Variants in ITGB4 observed in about 807,000 individuals in gnomAD.
The protein encoded by ITGB4 is integrin beta-4.
In ITGB4, 159 loss-of-function variants were observed where a neutral mutation model predicts 207.6. The ratio of observed to expected loss-of-function variants is 0.77; its 90% CI spans 0.67 to 0.87. The LOEUF is 0.87. Ranked by LOEUF, ITGB4 falls within the 40% of genes least tolerant of loss-of-function variation. ITGB4 has a pLI of 0.00. For synonymous variants in ITGB4, 1,020 were observed against 1,062.7 expected (o/e 0.96, Z 0.78); for missense variants, 2,278 against 2,546.8 (o/e 0.89, Z 2.27).
intron 31 of ITGB4, 42 bp from the exon 32 acceptor site, chr17:75,752,404 G>T (rs1310030668): frequency 6.2e-7 from 1 of 1,612,838 alleles, no homozygotes; most frequent in Non-Finnish European, 8.5e-7. Flanking sequence ...AGGGGGGCAG[G>T]GGGCAGCAGC....
At chr17:75,735,995 C>T in intron 13 of ITGB4, 56 bp from the exon 14 acceptor site, 1 of 1,560,930 alleles carries the variant, frequency 6.4e-7, no homozygotes, top group Non-Finnish European at 8.8e-7. Context: ...AGGTGGGCAG[C>T]CTGGACTACA....
chr17:75,757,089 A>C lies in ITGB4; in HGVS notation c.5200A>C (p.Ile1734Leu). The change falls in exon 38 of 40, where the codon ATA becomes CTA. Residue 1734 changes from isoleucine (I) to leucine (L), a missense_variant. By Grantham distance (5) the Ile-to-Leu change is conservative. Transcript: ENST00000200181. Reference protein sequence around the residue: ...FGPEREGIITIESQDGGPFPQ... With the variant: ...FGPEREGIITLESQDGGPFPQ... ...GCCAGAGCGCGAGGGCATCATCACCATAGAGTCCCAGGATGGAGGTAGGCA... is the reference window on the plus strand; with the variant it reads ...GCCAGAGCGCGAGGGCATCATCACCCTAGAGTCCCAGGATGGAGGTAGGCA... 1 of 1,612,922 alleles carries C rather than the reference A, an allele frequency of 6.2e-7. No individual in the cohort carries two copies. Among genetic ancestry groups the C allele is most frequent in the Non-Finnish European group, 8.5e-7 (1 of 1,179,936 alleles).
chr17:75,728,184 A>G (rs897004664), intron 5 of ITGB4, among the ~76,000 whole-genome samples, 193 bp from the exon 6 acceptor site: 1 of 152,164 alleles, frequency 6.6e-6, no homozygotes, highest in African/African-American at 2.4e-5. Context: ...CTGTACGCAT[A>G]ACTCCAGACC....
In ITGB4 at chr17:75,750,594, A is replaced by G. The variant is rs543962760; in HGVS notation, c.3475-86A>G. Reference sequence around the variant, plus strand: ...CTCGGGCCTCATCTGTGCAAAGAGGACAGTAAGGGCAGAGGTCAGAGGAGG... The same window carrying G: ...CTCGGGCCTCATCTGTGCAAAGAGGGCAGTAAGGGCAGAGGTCAGAGGAGG... On this transcript the variant is annotated intron_variant, in intron 28 of 39. Coordinates refer to ENST00000200181, the MANE Select transcript of ITGB4 (RefSeq NM_000213.5). This position sits in a 1 kb window ranked among gnomAD's most constrained non-coding sequence, Gnocchi z 5.5. The G allele has an allele frequency of 3.3e-6, 4 of 1,218,118 alleles. No individual in the cohort carries two copies. The East Asian group carries it at 9.9e-5, about 30-fold the overall frequency. The allele number at this position is 1,218,118 out of a possible 1,614,324, so 75.5% of individuals were successfully genotyped here. A position where few individuals can be genotyped will look rare whatever the true frequency, so the allele number is the denominator to read the frequency against.
rs8064949 is a variant in ITGB4 at position 75,736,600 on chromosome 17, C to T, written c.1896C>T (p.Cys632=). 6.3e-5 allele frequency: 101 copies of T among 1,602,754 alleles called. No individual in the cohort carries two copies. The highest frequency in any genetic ancestry group is 1.2e-4 in the Admixed American group (7 of 57,560). The part of the protein sequence containing the change: ...HPGLCEDLRS[C]VQCQAWGTGE... ...GCCTCTGCGAGGACCTACGCTCCTG[C>T]GTGCAGTGCCAGGCGTGGGGCACCG... The change falls in exon 16 of 40, where the codon TGC becomes TGT. Residue 632 remains cysteine (C), a synonymous_variant. Transcript: ENST00000200181.
intron 34 of ITGB4, chr17:75,755,140 G>T: frequency 6.2e-7 from 1 of 1,611,678 alleles, no homozygotes; most frequent in East Asian, 2.2e-5. Context: ...AGATGAAAGG[G>T]TTCCCCCCTT....
In ITGB4 at chr17:75,757,329, G is replaced by A; in HGVS notation, c.5329+19G>A. 6.2e-7 allele frequency: 1 copy of A among 1,612,678 alleles called. No homozygotes were observed. Among genetic ancestry groups the A allele is most frequent in the Non-Finnish European group, 8.5e-7 (1 of 1,179,938 alleles). ...CTAGTGGGTGAGCACTGAGGGCTAG[G>A]GGATCCCGGCTCTCCTGGGACAGGG... On this transcript the variant is annotated intron_variant, in intron 39 of 39. Coordinates refer to ENST00000200181, the MANE Select transcript of ITGB4 (RefSeq NM_000213.5).
At position 75,724,720 on chromosome 17, in the gene ITGB4, C is replaced by G; in HGVS notation, c.17C>G (p.Pro6Arg). 6.2e-7 allele frequency: 1 copy of G among 1,613,840 alleles called. No homozygotes were observed. Among genetic ancestry groups the G allele is most frequent in the Non-Finnish European group, 8.5e-7 (1 of 1,179,992 alleles). Reference protein sequence around the residue: MAGPRPSPWARLLLAA... With the variant: MAGPRRSPWARLLLAA... ...AGGAAGAGGATGGCAGGGCCACGCCCCAGCCCATGGGCCAGGCTGCTCCTG... is the reference window on the plus strand; with the variant it reads ...AGGAAGAGGATGGCAGGGCCACGCCGCAGCCCATGGGCCAGGCTGCTCCTG... The change falls in exon 2 of 40, where the codon CCC (proline) becomes CGC (arginine). Residue 6 changes from proline (P) to arginine (R), a missense_variant. Pro to Arg is a moderately radical substitution (Grantham distance 103). Transcript: ENST00000200181.
intron 2 of ITGB4, 125 bp downstream of exon 2, chr17:75,724,907 C>A (rs990854089): frequency 2.5e-6 from 2 of 808,528 alleles, no homozygotes; most frequent in East Asian, 2.6e-5. Flanking sequence ...CTGACCACTG[C>A]CCACCTTCAG....
chr17:75,748,702 C>A (rs2061291000), intron 26 of ITGB4, 139 bp from the exon 27 acceptor site: 1 of 643,142 alleles, frequency 1.6e-6, no homozygotes, highest in Non-Finnish European at 2.7e-6. Context: ...AACACAAAAA[C>A]CTGAACCTCG....
chr17:75,738,724 C>T (rs1190252740), intron 18 of ITGB4, among the ~76,000 whole-genome samples: 1 of 152,248 alleles, frequency 6.6e-6, no homozygotes, highest in Non-Finnish European at 1.5e-5. Flanking sequence ...TGGCATAGCT[C>T]AGAGTAGGGA....
intron 12 of ITGB4, 97 bp from the exon 13 acceptor site, chr17:75,733,393 A>T (rs1224295431): frequency 3.7e-6 from 4 of 1,073,526 alleles, no homozygotes; most frequent in African/African-American, 1.6e-5. Context: ...CTCAAAAAAA[A>T]AAATAAAATA....
At position 75,734,127 on chromosome 17, in the gene ITGB4, G is replaced by GTTTTTT. The variant is rs58249158; in HGVS notation, c.1657+456_1657+461dup. On this transcript the variant is annotated intron_variant, in intron 13 of 39. Coordinates refer to ENST00000200181, the MANE Select transcript of ITGB4 (RefSeq NM_000213.5). Reference sequence around the variant, plus strand: ...TGGGTTTTTTGTTGTTGTTGCTGCTGTTTTTTTTTTTTTTTTTTTTTTTTT... The same window carrying GTTTTTT: ...TGGGTTTTTTGTTGTTGTTGCTGCTGTTTTTTTTTTTTTTTTTTTTTTTTTTTTTTT... 2.5e-4 allele frequency among the ~76,000 whole-genome samples: 19 copies of GTTTTTT among 76,096 alleles called. 1 individual carries two copies. Among genetic ancestry groups the GTTTTTT allele is most frequent in the African/African-American group, 8.7e-4 (14 of 16,168 alleles). The allele number at this position is 76,096 out of a possible 152,430, so 49.9% of individuals were successfully genotyped here.
In ITGB4 at chr17:75,755,942, C is replaced by T; in HGVS notation, c.4708+92C>T. The T allele has an allele frequency of 2.7e-6, 4 of 1,455,648 alleles. No individual in the cohort carries two copies. In the Admixed American group the frequency reaches 5.8e-5, roughly 21 times the overall value. 90.2% of individuals were successfully genotyped at this position (1,455,648 alleles called of 1,614,324 possible). ...AGGGTACCTCAGCTGTGTCAGGAACCCACCCAAGTCCCTTGAGCGCTAAAG... is the reference window on the plus strand; with the variant it reads ...AGGGTACCTCAGCTGTGTCAGGAACTCACCCAAGTCCCTTGAGCGCTAAAG... On this transcript the variant is annotated intron_variant, in intron 35 of 39. Coordinates refer to ENST00000200181, the MANE Select transcript of ITGB4 (RefSeq NM_000213.5).
rs761528954 is a variant in ITGB4, at chr17:75,733,691, T to A, written c.1656T>A (p.Asn552Lys). 1.2e-6 allele frequency: 2 copies of A among 1,613,870 alleles called. No individual in the cohort carries two copies. The highest frequency in any genetic ancestry group is 2.2e-5 in the South Asian group (2 of 91,088). ...QCPRTSGFLC[N>K]DRGRCSMGQC... ...CCCGCACTTCCGGGTTCCTCTGCAA[T>A]GGTGAGCACAACAACTGCGGCCAAT... Residue 552 changes from asparagine to lysine, a missense_variant and splice_region_variant, in exon 13 of 40, where the codon AAT becomes AAA. By Grantham distance (94) the Asn-to-Lys change is moderately conservative (BLOSUM62 0). Coordinates refer to ENST00000200181, the MANE Select transcript of ITGB4 (RefSeq NM_000213.5).
chr17:75,757,711 G>T lies in ITGB4; in HGVS notation c.*156G>T, dbSNP rs2061554332. 2.9e-6 allele frequency: 3 copies of T among 1,024,730 alleles called. No individual in the cohort carries two copies. The highest frequency in any genetic ancestry group is 3.1e-5 in the African/African-American group (2 of 63,630). The allele number at this position is 1,024,730 out of a possible 1,614,324, so 63.5% of individuals were successfully genotyped here. A position where few individuals can be genotyped will look rare whatever the true frequency, so the allele number is the denominator to read the frequency against. On this transcript the variant is annotated 3_prime_UTR_variant, in exon 40 of 40. Transcript: ENST00000200181. ...GTGTCTCCTGGGAGGCATGAAGGGGGCAAGGTCCGTCCTCTGTGGGCCCAA... is the reference window on the plus strand; with the variant it reads ...GTGTCTCCTGGGAGGCATGAAGGGGTCAAGGTCCGTCCTCTGTGGGCCCAA...
chr17:75,732,133 C>T lies in ITGB4; in HGVS notation c.1378-30C>T, dbSNP rs766669272. ...AGTGGCCCCGGTCCTGCTCCCCCGACGCACCCCACCATGGTCTCTCTCATT... is the reference window on the plus strand; with the variant it reads ...AGTGGCCCCGGTCCTGCTCCCCCGATGCACCCCACCATGGTCTCTCTCATT... On this transcript the variant is annotated intron_variant, in intron 11 of 39. Transcript: ENST00000200181. The surrounding 1 kb of genome is among the most constrained non-coding windows in gnomAD (Gnocchi z 5.3). The T allele has an allele frequency of 9.3e-6, 15 of 1,613,096 alleles. No individual in the cohort carries two copies. Among genetic ancestry groups the T allele is most frequent in the East Asian group, 2.2e-5 (1 of 44,892 alleles).
In ITGB4 at chr17:75,733,699, A is replaced by G; in HGVS notation, c.1657+7A>G. 1.2e-6 allele frequency: 2 copies of G among 1,613,604 alleles called. No individual in the cohort carries two copies. The highest frequency in any genetic ancestry group is 8.5e-7 in the Non-Finnish European group (1 of 1,179,812). ...TCCGGGTTCCTCTGCAATGGTGAGC[A>G]CAACAACTGCGGCCAATGCTGATGG... is the stretch of plus-strand genomic sequence containing the variant. On this transcript the variant is annotated splice_region_variant and intron_variant, in intron 13 of 39. Transcript: ENST00000200181.
intron 5 of ITGB4, 118 bp from the exon 6 acceptor site, chr17:75,728,259 A>C: frequency 1.3e-6 from 1 of 792,028 alleles, no homozygotes; most frequent in Non-Finnish European, 2.2e-6. Context: ...ACCTTTGTCC[A>C]GCATGCAAAG....
Sources: gnomAD v4.1 joint callset for allele counts (sites outside exome capture counted in the v4.1 genomes callset) on GRCh38, gnomAD v4.1.1 for gene constraint, Gnocchi (gnomAD v3.1) non-coding constraint, MANE v1.5 for transcripts, NCBI Gene and HGNC (gene_info 2026-07-23, HGNC 2026-07-21) for gene names.